The following QSOX2 variants were observed in gnomAD, a reference collection of about 807,000 sequenced individuals.
The protein encoded by QSOX2 is sulfhydryl oxidase 2.
Under a neutral mutation model 61.7 loss-of-function variants are expected in QSOX2, and 46 were observed. That is an observed-to-expected ratio of 0.75 (90% confidence interval 0.59 to 0.95). The LOEUF is 0.95. Ranked by LOEUF, QSOX2 falls within the 40% of genes least tolerant of loss-of-function variation. QSOX2 has a pLI of 0.00. For missense variants in QSOX2, 879 were observed against 918.9 expected (o/e 0.96, Z 0.56); for synonymous variants, 383 against 388.4 (o/e 0.99, Z 0.16).
Position 136,209,664 on chromosome 9 carries a change from C to G in QSOX2, c.1550-389G>C, listed in dbSNP as rs978182352. 7.1e-6 allele frequency: 7 copies of G among 985,110 alleles called. No homozygotes were observed. The highest frequency in any genetic ancestry group is 6.1e-5 in the Admixed American group (1 of 16,272). The allele number at this position is 985,110 out of a possible 1,614,324, so 61.0% of individuals were successfully genotyped here. A position where few individuals can be genotyped will look rare whatever the true frequency, so the allele number is the denominator to read the frequency against. On this transcript the variant is annotated intron_variant, in intron 11 of 11. Coordinates refer to ENST00000358701, the MANE Select transcript of QSOX2 (RefSeq NM_181701.4). This position sits in a 1 kb window ranked among gnomAD's most constrained non-coding sequence, Gnocchi z 5.6. ...AGTGCTGCCTGTGTGCCCCTCCCCC[C>G]ACTGCTGCCCCTCTGCCCTTTCCTG...
chr9:136,208,625 G>A lies in QSOX2; in HGVS notation c.*103C>T, dbSNP rs1263803953. ...TGCCATCCGATGTGAAACCAGGCCC[G>A]CATGTTTATAAAATCCCTGATCATA... On this transcript the variant is annotated 3_prime_UTR_variant, in exon 12 of 12. Transcript: ENST00000358701. 10 of 1,355,320 alleles carry A rather than the reference G, an allele frequency of 7.4e-6. No individual in the cohort carries two copies. The highest frequency in any genetic ancestry group is 2.5e-5 in the East Asian group (1 of 40,534). The allele number at this position is 1,355,320 out of a possible 1,614,324, so 84.0% of individuals were successfully genotyped here.
intron 1 of QSOX2, among the ~76,000 whole-genome samples, chr9:136,242,117 C>A (rs1830437992): frequency 6.6e-6 from 1 of 152,246 alleles, no homozygotes; most frequent in African/African-American, 2.4e-5. Context: ...AGGCTTAAGC[C>A]AAATCTCCAC....
rs1021235940 is a variant in QSOX2, at chr9:136,209,069, T to C, written c.1756A>G (p.Arg586Gly). ...AGTCTTTTCTCCTCTTCCTCACCCC[T>C]GGCCAGGGTTCCTCCTTCACTGGAA... ...GDSSEGGTLA[R>G]GEEEEKRLTP... Residue 586 changes from arginine (R) to glycine (G), a missense_variant, in exon 12 of 12, where the codon AGG (arginine) becomes GGG (glycine). Coordinates refer to ENST00000358701, the MANE Select transcript of QSOX2 (RefSeq NM_181701.4). The surrounding 1 kb of genome is among the most constrained non-coding windows in gnomAD (Gnocchi z 5.6). 1.2e-6 allele frequency: 2 copies of C among 1,614,168 alleles called. No individual in the cohort carries two copies. Among genetic ancestry groups the C allele is most frequent in the Non-Finnish European group, 8.5e-7 (1 of 1,180,006 alleles).
chr9:136,223,714 AC>A lies in QSOX2; in HGVS notation c.675+48del. On this transcript the variant is annotated intron_variant, in intron 5 of 11. Coordinates refer to ENST00000358701, the MANE Select transcript of QSOX2 (RefSeq NM_181701.4). The surrounding 1 kb of genome is among the most constrained non-coding windows in gnomAD (Gnocchi z 4.4). ...AAATCTCATCACAGATCCACCGCCAACCCCAATCACACCACGTGTGACACCT... is the reference window on the plus strand; with the variant it reads ...AAATCTCATCACAGATCCACCGCCAACCCAATCACACCACGTGTGACACCT... The A allele has an allele frequency of 6.8e-7, 1 of 1,476,076 alleles. No homozygotes were observed. The allele number at this position is 1,476,076 out of a possible 1,614,324, so 91.4% of individuals were successfully genotyped here. A position where few individuals can be genotyped will look rare whatever the true frequency, so the allele number is the denominator to read the frequency against.
Position 136,242,928 on chromosome 9 carries a change from C to A in QSOX2, c.328+2548G>T, listed in dbSNP as rs376105708. On this transcript the variant is annotated intron_variant, in intron 1 of 11. Coordinates refer to ENST00000358701, the MANE Select transcript of QSOX2 (RefSeq NM_181701.4). The stretch of plus-strand genomic sequence containing the variant: ...GAGTCCCCTAACTGACTGAATTGAA[C>A]CCCCTCTTGGCCAAGGAGACCCCAG... Among the ~76,000 whole-genome samples the A allele has an allele frequency of 1.2e-3, 176 of 152,344 alleles. 2 individuals carry two copies. In the Middle Eastern group the frequency reaches 0.017, roughly 15 times the overall value.
chr9:136,221,491 C>T lies in QSOX2; in HGVS notation c.821+305G>A, dbSNP rs991042470. ...GGAGCATCGGCTGCTCCCAAAGCCC[C>T]GGCCCAGCAGCCCTCATGCATGTGC... On this transcript the variant is annotated intron_variant, in intron 6 of 11. Transcript: ENST00000358701. The surrounding 1 kb of genome is among the most constrained non-coding windows in gnomAD (Gnocchi z 4.5). Among the ~76,000 whole-genome samples, 1 of 152,246 alleles carries T rather than the reference C, an allele frequency of 6.6e-6. No individual in the cohort carries two copies. Among genetic ancestry groups the T allele is most frequent in the Non-Finnish European group, 1.5e-5 (1 of 68,040 alleles).
chr9:136,245,294 G>A (rs1830462345), intron 1 of QSOX2, among the ~76,000 whole-genome samples, 182 bp downstream of exon 1: 1 of 152,132 alleles, frequency 6.6e-6, no homozygotes, highest in East Asian at 1.9e-4. Context: ...TTAGTCTCCC[G>A]CCCCTGGAAA....
intron 1 of QSOX2, among the ~76,000 whole-genome samples, chr9:136,232,118 GT>G (rs979759765): frequency 2.0e-4 from 31 of 151,906 alleles, no homozygotes; most frequent in Admixed American, 2.0e-4. Context: ...AACAAAACCA[GT>G]TTTTTTTCTC....
rs200257960 is a variant in QSOX2 at position 136,224,068 on chromosome 9, A to C, written c.523T>G (p.Phe175Val). The C allele has an allele frequency of 6.2e-7, 1 of 1,614,034 alleles. No homozygotes were observed. Among genetic ancestry groups the C allele is most frequent in the African/African-American group, 1.3e-5 (1 of 75,006 alleles). ...LRTVRQTMID[F>V]LQNHTEGSRP... is the part of the protein sequence containing the mutation. ...CTTCCTTCCGTGTGGTTCTGCAGGAAGTCAATCATCGTCTGTCTGACTGTT... is the reference window on the plus strand; with the variant it reads ...CTTCCTTCCGTGTGGTTCTGCAGGACGTCAATCATCGTCTGTCTGACTGTT... The change falls in exon 4 of 12, where the codon TTC becomes GTC. Residue 175 changes from phenylalanine (F) to valine (V), a missense_variant. By Grantham distance (50) the Phe-to-Val change is conservative. Transcript: ENST00000358701.
At chr9:136,227,364 T>G (rs1235058959) in intron 1 of QSOX2, among the ~76,000 whole-genome samples, 1 of 152,200 alleles carries the variant, frequency 6.6e-6, no homozygotes, top group Non-Finnish European at 1.5e-5. Context: ...CACAGACACA[T>G]GTGAAGTGGT....
chr9:136,234,033 C>T (rs1830355376), intron 1 of QSOX2, among the ~76,000 whole-genome samples: 1 of 152,178 alleles, frequency 6.6e-6, no homozygotes, highest in South Asian at 2.1e-4. Context: ...CAACCTGGGG[C>T]AGGACAAAGG....
chr9:136,245,742 C>T lies in QSOX2; in HGVS notation c.62G>A (p.Arg21Lys), dbSNP rs1256966007. 1 of 1,154,400 alleles carries T rather than the reference C, an allele frequency of 8.7e-7. No individual in the cohort carries two copies. The highest frequency in any genetic ancestry group is 1.1e-6 in the Non-Finnish European group (1 of 938,510). The allele number at this position is 1,154,400 out of a possible 1,614,324, so 71.5% of individuals were successfully genotyped here. Residue 21 changes from arginine to lysine, a missense_variant, in exon 1 of 12, where the codon AGA (arginine) becomes AAA (lysine). Physicochemically the swap from Arg to Lys is conservative, Grantham distance 26. Transcript: ENST00000358701. ...SPGIGAGPAL[R>K]ARRSPPPRAA... ...CCGCGGCGGGGGCGAGCGCCGGGCTCTCAGCGCAGGTCCCGCTCCGATTCC... is the reference window on the plus strand; with the variant it reads ...CCGCGGCGGGGGCGAGCGCCGGGCTTTCAGCGCAGGTCCCGCTCCGATTCC...
At chr9:136,219,220 T>C (rs1831952543) in intron 6 of QSOX2, 56 bp from the exon 7 acceptor site, 1 of 1,578,780 alleles carries the variant, frequency 6.3e-7, no homozygotes, top group Non-Finnish European at 8.6e-7. Flanking sequence ...AATCCTAAAG[T>C]AGGAGCCGTG....
rs561670354 is a variant in QSOX2, at chr9:136,223,735, ACAC to A, written c.675+25_675+27del. 1,007 of 1,589,398 alleles carry A rather than the reference ACAC, an allele frequency of 6.3e-4. 4 individuals are homozygous for A. Among genetic ancestry groups the A allele is most frequent in the Middle Eastern group, 3.1e-3 (18 of 5,752 alleles). Reference sequence around the variant, plus strand: ...GCCAACCCCAATCACACCACGTGTGACACCTGGAGCCCACGCAGAGGCCGTACC... The same window carrying A: ...GCCAACCCCAATCACACCACGTGTGACTGGAGCCCACGCAGAGGCCGTACC... On this transcript the variant is annotated intron_variant, in intron 5 of 11. Transcript: ENST00000358701. The surrounding 1 kb of genome is among the most constrained non-coding windows in gnomAD (Gnocchi z 4.4).
At chr9:136,241,810 C>G (rs1056261948) in intron 1 of QSOX2, among the ~76,000 whole-genome samples, 2 of 152,212 alleles carry the variant, frequency 1.3e-5, no homozygotes, top group Non-Finnish European at 2.9e-5. Context: ...GAGGACTCAG[C>G]CTGTTGTGGG....
intron 1 of QSOX2, among the ~76,000 whole-genome samples, chr9:136,237,204 T>C (rs1259690276): frequency 2.6e-4 from 19 of 73,456 alleles, no homozygotes; most frequent in Admixed American, 9.6e-4. Flanking sequence ...TGGAGCCTGC[T>C]CTGGGCCGGC....
chr9:136,217,601 T>C (rs777149531), intron 8 of QSOX2, among the ~76,000 whole-genome samples: 2 of 152,264 alleles, frequency 1.3e-5, no homozygotes, highest in African/African-American at 4.8e-5. Flanking sequence ...AACTTATTAA[T>C]ACCCTGGCCT....
intron 1 of QSOX2, 96 bp from the exon 2 acceptor site, chr9:136,226,970 G>A (rs981670798): frequency 8.5e-6 from 8 of 943,642 alleles, no homozygotes; most frequent in Middle Eastern, 4.2e-4. Flanking sequence ...GGCCACCTGC[G>A]AGACCAGCCC....
At chr9:136,220,382 G>A (rs1041611303) in intron 6 of QSOX2, among the ~76,000 whole-genome samples, 6 of 152,208 alleles carry the variant, frequency 3.9e-5, no homozygotes, top group Non-Finnish European at 8.8e-5. Context: ...TCTGTAAGGC[G>A]CCCTCTATGC....
Sources: allele counts gnomAD v4.1 joint callset (sites outside exome capture counted in the v4.1 genomes callset), GRCh38; gene constraint gnomAD v4.1.1; non-coding constraint Gnocchi (gnomAD v3.1); transcripts MANE v1.5; gene names NCBI Gene and HGNC (gene_info 2026-07-23, HGNC 2026-07-21).